TBCK: variants seen among roughly 807,000 people sequenced by gnomAD.
TBCK encodes the protein TBC domain-containing protein kinase-like protein.
A neutral mutation model predicts 113.4 loss-of-function variants in TBCK; 99 were observed. The ratio of observed to expected loss-of-function variants is 0.87; its 90% CI spans 0.74 to 1.03. The LOEUF (loss-of-function observed/expected upper bound fraction) is 1.03. Ranked by LOEUF, TBCK falls within the 50% of genes least tolerant of loss-of-function variation. TBCK has a pLI of 0.00. For missense variants in TBCK, 1,045 were observed against 1,061.3 expected (o/e 0.98, Z 0.21); for synonymous variants, 369 against 370.8 (o/e 1.00, Z 0.05).
At chr4:106,301,461 G>A in intron 2 of TBCK, among the ~76,000 whole-genome samples, 1 of 151,992 alleles carries the variant, frequency 6.6e-6, no homozygotes, top group East Asian at 1.9e-4. Flanking sequence ...TGTTAACATA[G>A]TATTTTCAGG....
At chr4:106,203,473 A>G (rs1185382436) in intron 20 of TBCK, among the ~76,000 whole-genome samples, 1 of 151,810 alleles carries the variant, frequency 6.6e-6, no homozygotes, top group African/African-American at 2.4e-5. Context: ...CAAAAAGTAA[A>G]TGGTTAATTT....
At chr4:106,197,381 ATC>A (rs1184787482) in intron 20 of TBCK, among the ~76,000 whole-genome samples, 1 of 131,398 alleles carries the variant, frequency 7.6e-6, no homozygotes, top group Non-Finnish European at 1.6e-5. Flanking sequence ...CAGAAAACAT[ATC>A]TGAGTGTGTG....
At chr4:106,257,558 T>C (rs994764043) in intron 5 of TBCK, among the ~76,000 whole-genome samples, 1 of 152,126 alleles carries the variant, frequency 6.6e-6, no homozygotes, top group African/African-American at 2.4e-5. Flanking sequence ...TTCATTTTAA[T>C]AGAATGATGA....
intron 4 of TBCK, 139 bp from the exon 5 acceptor site, chr4:106,260,649 T>C: frequency 2.7e-6 from 1 of 365,776 alleles, no homozygotes; most frequent in Non-Finnish European, 4.9e-6. Flanking sequence ...AATGCCACTG[T>C]AGATTTTAAA....
chr4:106,257,920 C>T (rs1762160499), intron 5 of TBCK, among the ~76,000 whole-genome samples: 1 of 151,986 alleles, frequency 6.6e-6, no homozygotes, highest in South Asian at 2.1e-4. Context: ...CACCACAATA[C>T]ATCCAGAAGT....
intron 2 of TBCK, among the ~76,000 whole-genome samples, chr4:106,296,746 T>C (rs1388523411): frequency 6.6e-6 from 1 of 151,630 alleles, no homozygotes; most frequent in Admixed American, 6.6e-5. Flanking sequence ...AGGAATAAAA[T>C]GAAATAGCAA....
chr4:106,170,449 A>T (rs913196416), intron 23 of TBCK, among the ~76,000 whole-genome samples: 5 of 152,052 alleles, frequency 3.3e-5, no homozygotes. Flanking sequence ...AGTGACCTTA[A>T]TATAATTTGA....
intron 1 of TBCK, chr4:106,310,055 T>C (rs1199972652): frequency 6.6e-6 from 1 of 152,130 alleles, no homozygotes; most frequent in African/African-American, 2.4e-5. Flanking sequence ...GACACAAAAA[T>C]CTTTTACCCA....
intron 20 of TBCK, among the ~76,000 whole-genome samples, chr4:106,211,073 G>C (rs995406867): frequency 6.6e-5 from 10 of 152,002 alleles, no homozygotes; most frequent in Admixed American, 6.5e-4. Context: ...CACCGCACCT[G>C]GTTTCCAAAC....
chr4:106,185,926 G>A (rs992329386), intron 22 of TBCK, among the ~76,000 whole-genome samples: 10 of 151,872 alleles, frequency 6.6e-5, no homozygotes, highest in East Asian at 1.9e-4. Context: ...TGTTCTCTTC[G>A]TTGTGTCCAT....
Position 106,250,411 on chromosome 4 carries a change from C to T in TBCK, c.658+7G>A, listed in dbSNP as rs1270303421. On this transcript the variant is annotated splice_region_variant and intron_variant, in intron 7 of 25. Transcript: ENST00000394708. ...ATTTGAAAGATAAGCAATTGTACGA[C>T]ACTTACCCAAAGTAAGCAAAAATTT... is the stretch of plus-strand genomic sequence containing the variant. 12 of 1,543,924 alleles carry T rather than the reference C, an allele frequency of 7.8e-6. No homozygotes were observed. Among genetic ancestry groups the T allele is most frequent in the African/African-American group, 1.4e-5 (1 of 72,872 alleles).
intron 20 of TBCK, among the ~76,000 whole-genome samples, chr4:106,198,008 C>T (rs779495082): frequency 6.6e-6 from 1 of 152,038 alleles, no homozygotes; most frequent in South Asian, 2.1e-4. Flanking sequence ...TCTAAATATG[C>T]AACTGTGATG....
intron 2 of TBCK, among the ~76,000 whole-genome samples, chr4:106,299,220 G>C (rs1450947535): frequency 6.6e-6 from 1 of 152,112 alleles, no homozygotes; most frequent in Non-Finnish European, 1.5e-5. Context: ...TTTAGCAAAG[G>C]CATGATGTGG....
intron 24 of TBCK, among the ~76,000 whole-genome samples, chr4:106,099,444 T>C (rs992646606): frequency 6.6e-6 from 1 of 152,138 alleles, no homozygotes; most frequent in Non-Finnish European, 1.5e-5. Context: ...ATTAGTATTA[T>C]AGACCTTTCA....
At chr4:106,174,790 T>A (rs1396105706) in intron 22 of TBCK, among the ~76,000 whole-genome samples, 1 of 152,114 alleles carries the variant, frequency 6.6e-6, no homozygotes, top group Non-Finnish European at 1.5e-5. Context: ...TTTATCATCT[T>A]ACATTTTCAT....
intron 24 of TBCK, among the ~76,000 whole-genome samples, chr4:106,097,929 A>C (rs1260370003): frequency 6.6e-6 from 1 of 152,140 alleles, no homozygotes; most frequent in Non-Finnish European, 1.5e-5. Flanking sequence ...GAATGACCAT[A>C]GTTGACTATC....
Position 106,043,642 on chromosome 4 carries a change from C to A in TBCK, c.*2928G>T, listed in dbSNP as rs17036530. 0.076 allele frequency: 11,615 copies of A among 152,078 alleles called. 512 individuals are homozygous for A. Among genetic ancestry groups the A allele is most frequent in the Middle Eastern group, 0.18 (53 of 294 alleles). The allele number at this position is 152,078 out of a possible 1,614,324, so 9.4% of individuals were successfully genotyped here. On this transcript the variant is annotated 3_prime_UTR_variant, in exon 26 of 26. Coordinates refer to ENST00000394708, the MANE Select transcript of TBCK (RefSeq NM_001163435.3). ...ATGGAATGCTTTAGTAGATTTGGGG[C>A]TCTTAGTGCAGCATGGGGAAGCCAG...
At position 106,044,694 on chromosome 4, in the gene TBCK, T is replaced by C. The variant is rs1734061833; in HGVS notation, c.*1876A>G. On this transcript the variant is annotated 3_prime_UTR_variant, in exon 26 of 26. Coordinates refer to ENST00000394708, the MANE Select transcript of TBCK (RefSeq NM_001163435.3). Reference sequence around the variant, plus strand: ...TGATCAGGTAGACAATTGCATACAATGAAAGTATTCTGGATAATACTGATT... The same window carrying C: ...TGATCAGGTAGACAATTGCATACAACGAAAGTATTCTGGATAATACTGATT... The C allele has an allele frequency of 6.6e-6, 1 of 152,198 alleles. No homozygotes were observed. Among genetic ancestry groups the C allele is most frequent in the Admixed American group, 6.5e-5 (1 of 15,288 alleles). 9.4% of individuals were successfully genotyped at this position (152,198 alleles called of 1,614,324 possible).
chr4:106,115,275 T>A (rs1195824940), intron 24 of TBCK, among the ~76,000 whole-genome samples: 1 of 152,176 alleles, frequency 6.6e-6, no homozygotes, highest in Non-Finnish European at 1.5e-5. Flanking sequence ...CATTAGAGCC[T>A]TTTGGATTAG....
Sources: gnomAD v4.1 joint callset for allele counts (sites outside exome capture counted in the v4.1 genomes callset) on GRCh38, gnomAD v4.1.1 for gene constraint, MANE v1.5 for transcripts, NCBI Gene and HGNC (gene_info 2026-07-23, HGNC 2026-07-21) for gene names.